FRMD4A: variants seen among roughly 807,000 people sequenced by gnomAD.
FRMD4A encodes the protein FERM domain-containing protein 4A.
FRMD4A carries 29 observed loss-of-function variants against 129.1 expected under a neutral mutation model. The observed-to-expected ratio is 0.22, with a 90% confidence interval of 0.17 to 0.31. The LOEUF (loss-of-function observed/expected upper bound fraction) is 0.31. FRMD4A is among the 10% of genes least tolerant of loss of function. FRMD4A has a pLI of 1.00. For missense variants in FRMD4A, 1,272 were observed against 1,375.8 expected (o/e 0.92, Z 1.19); for synonymous variants, 634 against 571.6 (o/e 1.11, Z -1.56).
chr10:13,890,592 C>T, intron 2 of FRMD4A: 1 of 985,202 alleles, frequency 1.0e-6, no homozygotes, highest in Non-Finnish European at 1.2e-6. Flanking sequence ...TAGAAATGTG[C>T]CTGTCTAGGT....
intron 2 of FRMD4A, among the ~76,000 whole-genome samples, chr10:14,021,269 G>C (rs890491547): frequency 2.0e-5 from 3 of 151,958 alleles, no homozygotes; most frequent in Non-Finnish European, 4.4e-5. Flanking sequence ...TCCAGACATG[G>C]TGGCTCACAC....
chr10:14,318,317 A>AAC lies in FRMD4A; in HGVS notation c.45+11740_45+11741insGT, dbSNP rs1261249984. On this transcript the variant is annotated intron_variant, in intron 2 of 24. Transcript: ENST00000357447. ...CATTGCAGTCCTGATACCAAGCTAT[A>AAC]TCCCCCCCCACCTTTTTTTTTTTAC... 1.9e-3 allele frequency among the ~76,000 whole-genome samples: 262 copies of AAC among 135,750 alleles called. 2 individuals are homozygous for AAC. Among genetic ancestry groups the AAC allele is most frequent in the Non-Finnish European group, 3.5e-3 (218 of 62,228 alleles). 89.1% of individuals were successfully genotyped at this position (135,750 alleles called of 152,430 possible).
At chr10:14,053,096 A>G (rs1834341650) in intron 2 of FRMD4A, among the ~76,000 whole-genome samples, 1 of 152,180 alleles carries the variant, frequency 6.6e-6, no homozygotes, top group African/African-American at 2.4e-5. Flanking sequence ...CTCCCAGACT[A>G]CGTGAGCAAA....
At chr10:13,961,530 T>C (rs190031731) in intron 2 of FRMD4A, among the ~76,000 whole-genome samples, 1 of 152,358 alleles carries the variant, frequency 6.6e-6, no homozygotes, top group African/African-American at 2.4e-5. Context: ...TCAGAGCTCT[T>C]GTCCTCCCAT....
intron 2 of FRMD4A, among the ~76,000 whole-genome samples, chr10:13,904,647 T>C (rs559229392): frequency 6.6e-6 from 1 of 152,324 alleles, no homozygotes; most frequent in Admixed American, 6.5e-5. Flanking sequence ...TAGCCAAGCA[T>C]TGTGATCAGA....
chr10:14,239,091 T>C (rs1466008074), intron 2 of FRMD4A, among the ~76,000 whole-genome samples: 1 of 152,216 alleles, frequency 6.6e-6, no homozygotes, highest in Non-Finnish European at 1.5e-5. Flanking sequence ...CTGAAGCTGC[T>C]GTCATTTTAA....
At chr10:13,993,904 C>T (rs577788041) in intron 2 of FRMD4A, among the ~76,000 whole-genome samples, 9 of 151,624 alleles carry the variant, frequency 5.9e-5, no homozygotes, top group African/African-American at 2.2e-4. Flanking sequence ...AGCTGGAGGG[C>T]CTGAGGATCT....
rs370169301 is a variant in FRMD4A, at chr10:13,657,778, C to T, written c.2067-256G>A. ...GAAGCTAGGACTCACAGAAAGGTTTCGATTTCTGGGTTTTTTTTTTTTTTT... is the reference window on the plus strand; with the variant it reads ...GAAGCTAGGACTCACAGAAAGGTTTTGATTTCTGGGTTTTTTTTTTTTTTT... On this transcript the variant is annotated intron_variant, in intron 21 of 24. Coordinates refer to ENST00000357447, the MANE Select transcript of FRMD4A (RefSeq NM_018027.5). 1.2e-3 allele frequency among the ~76,000 whole-genome samples: 148 copies of T among 127,854 alleles called. 1 individual carries two copies. The highest frequency in any genetic ancestry group is 5.3e-3 in the African/African-American group (141 of 26,540). 83.9% of individuals were successfully genotyped at this position (127,854 alleles called of 152,430 possible).
chr10:13,662,575 C>T (rs760949371), intron 19 of FRMD4A, among the ~76,000 whole-genome samples: 2 of 152,104 alleles, frequency 1.3e-5, no homozygotes, highest in African/African-American at 2.4e-5. Context: ...TCTTCCCCGA[C>T]GTATGGTGGT....
intron 13 of FRMD4A, among the ~76,000 whole-genome samples, chr10:13,702,529 TGTGTGTTTGC>T (rs2086930784): frequency 1.5e-5 from 2 of 130,558 alleles, no homozygotes; most frequent in Admixed American, 8.2e-5. Context: ...AATCTAAGAA[TGTGTGTTTGC>T]ATGTGTGTGT....
rs201795603 is a variant in FRMD4A at position 13,703,098 on chromosome 10, CT to C, written c.837-1621del. 2.1e-3 allele frequency among the ~76,000 whole-genome samples: 316 copies of C among 151,998 alleles called. 1 individual carries two copies. The highest frequency in any genetic ancestry group is 0.02 in the East Asian group (104 of 5,176). On this transcript the variant is annotated intron_variant, in intron 13 of 24. Transcript: ENST00000357447. ...CTTGCTCTTGGAAATAAATGAATGA[CT>C]TTTTTTTCCCCCCAGAAAAGCTGAA...
chr10:14,185,481 T>G (rs1443881443), intron 2 of FRMD4A, among the ~76,000 whole-genome samples: 1 of 152,222 alleles, frequency 6.6e-6, no homozygotes. Context: ...ATTACAACAT[T>G]TTGTAATTTT....
chr10:14,151,967 A>T (rs1372396931), intron 2 of FRMD4A, among the ~76,000 whole-genome samples: 6 of 152,082 alleles, frequency 3.9e-5, no homozygotes. Context: ...AGATGTTGCC[A>T]GGCTTCCTGG....
At chr10:13,903,822 G>T (rs2094849236) in intron 2 of FRMD4A, among the ~76,000 whole-genome samples, 1 of 152,128 alleles carries the variant, frequency 6.6e-6, no homozygotes, top group Non-Finnish European at 1.5e-5. Flanking sequence ...GTTGGAGGCT[G>T]CAGTGAGATA....
At chr10:13,818,285 C>T (rs569208818) in intron 3 of FRMD4A, among the ~76,000 whole-genome samples, 2 of 152,126 alleles carry the variant, frequency 1.3e-5, no homozygotes, top group Admixed American at 1.3e-4. Context: ...GCTTCAGTCT[C>T]CTGAGTAGGG....
intron 2 of FRMD4A, among the ~76,000 whole-genome samples, chr10:13,925,062 T>TAAAAA (rs57484737): frequency 0.12 from 12,185 of 102,766 alleles, 1,057 homozygotes; most frequent in East Asian, 0.23. Context: ...AGACTCCGTG[T>TAAAAA]AAAAAAAAAA....
At chr10:14,285,805 G>C (rs1303281448) in intron 2 of FRMD4A, among the ~76,000 whole-genome samples, 1 of 152,194 alleles carries the variant, frequency 6.6e-6, no homozygotes, top group East Asian at 1.9e-4. Flanking sequence ...TCCGACGTCA[G>C]GGATCACTGC....
chr10:13,738,231 C>G (rs1588496918), intron 11 of FRMD4A, among the ~76,000 whole-genome samples: 1 of 152,294 alleles, frequency 6.6e-6, no homozygotes, highest in Admixed American at 6.5e-5. Flanking sequence ...TGCGCTCTCT[C>G]TCTCTCTTTT....
Position 14,152,321 on chromosome 10 carries a change from G to A in FRMD4A, c.45+177737C>T, listed in dbSNP as rs541376760. Among the ~76,000 whole-genome samples the A allele has an allele frequency of 6.9e-4, 105 of 151,568 alleles. 1 individual carries two copies. Among genetic ancestry groups the A allele is most frequent in the African/African-American group, 2.3e-3 (95 of 41,306 alleles). The stretch of plus-strand genomic sequence containing the variant: ...TTTTTTGTATTTTTAGTACAGACGG[G>A]GTTTCACCTTGTTAGCCAGAATGGT... On this transcript the variant is annotated intron_variant, in intron 2 of 24. Transcript: ENST00000357447.
Sources: gnomAD v4.1 joint callset for allele counts (sites outside exome capture counted in the v4.1 genomes callset) on GRCh38, gnomAD v4.1.1 for gene constraint, MANE v1.5 for transcripts, NCBI Gene and HGNC (gene_info 2026-07-23, HGNC 2026-07-21) for gene names.